PDSS2: variants seen among roughly 807,000 people sequenced by gnomAD.
The protein encoded by PDSS2 is decaprenyl diphosphate synthase subunit 2, also known as all trans-polyprenyl-diphosphate synthase PDSS2.
Under a neutral mutation model 44.5 loss-of-function variants are expected in PDSS2, and 31 were observed. The ratio of observed to expected loss-of-function variants is 0.70; its 90% CI spans 0.52 to 0.94. The LOEUF is 0.94. Among genes scored for constraint, PDSS2 ranks in the 40% least tolerant of loss-of-function variants. The pLI, the probability that PDSS2 is intolerant of heterozygous loss-of-function variation, is 0.00. For synonymous variants in PDSS2, 157 were observed against 180.3 expected (o/e 0.87, Z 1.03); for missense variants, 452 against 482.2 (o/e 0.94, Z 0.59).
At chr6:107,255,599 CAA>C (rs547541454) in intron 3 of PDSS2, among the ~76,000 whole-genome samples, 9 of 78,714 alleles carry the variant, frequency 1.1e-4, no homozygotes, top group Non-Finnish European at 1.1e-4. Context: ...AACTCCATCT[CAA>C]AAAAAAAAAA....
At chr6:107,320,180 G>T (rs1390532867) in intron 2 of PDSS2, among the ~76,000 whole-genome samples, 1 of 152,152 alleles carries the variant, frequency 6.6e-6, no homozygotes, top group African/African-American at 2.4e-5. Flanking sequence ...GTGTTCAAGT[G>T]ATTAACTATA....
At chr6:107,193,031 G>T (rs1772434221) in intron 7 of PDSS2, among the ~76,000 whole-genome samples, 1 of 152,200 alleles carries the variant, frequency 6.6e-6, no homozygotes. Context: ...AAATCAGATG[G>T]TTGACATGTT....
intron 7 of PDSS2, among the ~76,000 whole-genome samples, chr6:107,185,484 C>T (rs1158438170): frequency 6.6e-6 from 1 of 152,124 alleles, no homozygotes; most frequent in African/African-American, 2.4e-5. Flanking sequence ...TGTAGAAAGT[C>T]GAACCATAGG....
At chr6:107,324,145 T>C (rs1404759026) in intron 2 of PDSS2, among the ~76,000 whole-genome samples, 2 of 152,136 alleles carry the variant, frequency 1.3e-5, no homozygotes, top group African/African-American at 4.8e-5. Flanking sequence ...AACATAACAA[T>C]AAAAACTTAA....
intron 2 of PDSS2, among the ~76,000 whole-genome samples, chr6:107,312,215 C>T (rs1777066008): frequency 6.6e-6 from 1 of 152,168 alleles, no homozygotes. Flanking sequence ...TATTGCATCT[C>T]CCTTCACTCC....
At chr6:107,272,872 C>T (rs1258240856) in intron 3 of PDSS2, among the ~76,000 whole-genome samples, 5 of 152,090 alleles carry the variant, frequency 3.3e-5, no homozygotes, top group Non-Finnish European at 5.9e-5. Context: ...GGTAAGAGAT[C>T]GCTTGAGCCC....
intron 7 of PDSS2, among the ~76,000 whole-genome samples, chr6:107,180,209 CT>C (rs1431942895): frequency 6.6e-6 from 1 of 152,120 alleles, no homozygotes; most frequent in Non-Finnish European, 1.5e-5. Flanking sequence ...GACATACAGG[CT>C]CTCCTGGTGC....
intron 2 of PDSS2, among the ~76,000 whole-genome samples, chr6:107,305,721 T>G (rs558855434): frequency 5.9e-5 from 9 of 152,322 alleles, no homozygotes; most frequent in African/African-American, 2.2e-4. Context: ...TGTCTTCTTT[T>G]TTTTGCTTTT....
intron 2 of PDSS2, among the ~76,000 whole-genome samples, chr6:107,300,942 T>C (rs897604485): frequency 2.0e-5 from 3 of 152,194 alleles, no homozygotes; most frequent in African/African-American, 4.8e-5. Context: ...CAGGGAGTCC[T>C]ATAAAGACTC....
At chr6:107,364,856 G>A (rs1036043871) in intron 1 of PDSS2, among the ~76,000 whole-genome samples, 4 of 152,194 alleles carry the variant, frequency 2.6e-5, no homozygotes, top group East Asian at 3.8e-4. Flanking sequence ...ATGTACACAG[G>A]AATAACAATA....
chr6:107,299,905 G>T (rs1476988396), intron 2 of PDSS2, among the ~76,000 whole-genome samples: 1 of 152,130 alleles, frequency 6.6e-6, no homozygotes, highest in Non-Finnish European at 1.5e-5. Context: ...TCAGGCAAGA[G>T]AAAAACATGT....
chr6:107,243,839 C>T (rs938510780), intron 4 of PDSS2, among the ~76,000 whole-genome samples: 2 of 152,130 alleles, frequency 1.3e-5, no homozygotes, highest in African/African-American at 4.8e-5. Flanking sequence ...TGCCATGCCC[C>T]CATCCTGGGC....
At chr6:107,272,444 C>T (rs1360155118) in intron 3 of PDSS2, among the ~76,000 whole-genome samples, 1 of 152,048 alleles carries the variant, frequency 6.6e-6, no homozygotes, top group African/African-American at 2.4e-5. Flanking sequence ...GCAAATGCCT[C>T]GGGCCATGAT....
chr6:107,392,871 GT>G (rs1202814024), intron 1 of PDSS2, among the ~76,000 whole-genome samples: 3 of 152,074 alleles, frequency 2.0e-5, no homozygotes, highest in Non-Finnish European at 4.4e-5. Flanking sequence ...AACTTAGCCT[GT>G]TTTGATTCCT....
At chr6:107,347,096 G>T (rs933532160) in intron 1 of PDSS2, among the ~76,000 whole-genome samples, 5 of 152,064 alleles carry the variant, frequency 3.3e-5, no homozygotes, top group East Asian at 1.9e-4. Context: ...CAGACTGCAG[G>T]AGTAGCCAGG....
At chr6:107,191,600 C>T (rs1207225035) in intron 7 of PDSS2, among the ~76,000 whole-genome samples, 2 of 152,042 alleles carry the variant, frequency 1.3e-5, no homozygotes, top group Non-Finnish European at 2.9e-5. Context: ...AACGACGCAC[C>T]AATGTAGACT....
At chr6:107,305,602 T>G (rs1291700912) in intron 2 of PDSS2, among the ~76,000 whole-genome samples, 1 of 152,306 alleles carries the variant, frequency 6.6e-6, no homozygotes, top group Middle Eastern at 3.4e-3. Flanking sequence ...GGAAATTCCA[T>G]TCATTATGCA....
At chr6:107,187,928 T>C (rs996052451) in intron 7 of PDSS2, among the ~76,000 whole-genome samples, 1 of 152,198 alleles carries the variant, frequency 6.6e-6, no homozygotes, top group Non-Finnish European at 1.5e-5. Context: ...GATAATTTTA[T>C]GTTATGATAA....
chr6:107,402,554 A>ATATATATATAT (rs1337717601), intron 1 of PDSS2, among the ~76,000 whole-genome samples: 1 of 61,796 alleles, frequency 1.6e-5, no homozygotes, highest in East Asian at 2.6e-4. Flanking sequence ...TATATATATA[A>ATATATATATAT]AAATATATAT....
Sources: allele counts gnomAD v4.1 joint callset (sites outside exome capture counted in the v4.1 genomes callset), GRCh38; gene constraint gnomAD v4.1.1; transcripts MANE v1.5; gene names NCBI Gene and HGNC (gene_info 2026-07-23, HGNC 2026-07-21).